Variants in PKN2 observed in about 807,000 individuals in gnomAD.
PKN2 encodes serine/threonine-protein kinase N2.
In PKN2, 38 loss-of-function variants were observed where a neutral mutation model predicts 119.1. The ratio of observed to expected loss-of-function variants is 0.32; its 90% CI spans 0.25 to 0.42. PKN2 has a LOEUF of 0.42. PKN2 is among the 10% of genes least tolerant of loss of function. The pLI, the probability that PKN2 is intolerant of heterozygous loss-of-function variation, is 1.00. For missense variants in PKN2, 850 were observed against 1,165.1 expected (o/e 0.73, Z 3.94); for synonymous variants, 390 against 384.9 (o/e 1.01, Z -0.15).
intron 1 of PKN2, among the ~76,000 whole-genome samples, chr1:88,705,001 G>C (rs1460928941): frequency 6.6e-6 from 1 of 151,790 alleles, no homozygotes; most frequent in Non-Finnish European, 1.5e-5. Context: ...CAAATCTTTT[G>C]TCTATTTTTA....
chr1:88,793,806 T>C (rs1438992108), intron 8 of PKN2, among the ~76,000 whole-genome samples: 1 of 152,198 alleles, frequency 6.6e-6, no homozygotes, highest in Non-Finnish European at 1.5e-5. Flanking sequence ...ATATAAATTA[T>C]TATACTGTAT....
chr1:88,728,236 T>A (rs1212984738), intron 1 of PKN2, among the ~76,000 whole-genome samples: 1 of 152,126 alleles, frequency 6.6e-6, no homozygotes, highest in Non-Finnish European at 1.5e-5. Context: ...ATAAGCCTAC[T>A]CAATCTTGTT....
At chr1:88,824,477 CTG>C in intron 18 of PKN2, 91 bp downstream of exon 18, 1 of 748,742 alleles carries the variant, frequency 1.3e-6, no homozygotes, top group South Asian at 1.6e-5. Flanking sequence ...GGAAAACAAA[CTG>C]TACTTTTAAC....
rs1471522885 is a variant in PKN2, at chr1:88,781,390, C to CAT, written c.986-3247_986-3246dup. Among the ~76,000 whole-genome samples, 15 of 147,426 alleles carry CAT rather than the reference C, an allele frequency of 1.0e-4. 1 individual carries two copies. The highest frequency in any genetic ancestry group is 3.8e-4 in the African/African-American group (14 of 37,136). ...GCAGAATTAAAAAAAGTTGCCTAAT[C>CAT]ATACCATGATGAAATACTGAATTAG... On this transcript the variant is annotated intron_variant, in intron 6 of 21. Coordinates refer to ENST00000370521, the MANE Select transcript of PKN2 (RefSeq NM_006256.4).
In PKN2 at chr1:88,824,248, T is replaced by C. The variant is rs541967028; in HGVS notation, c.2343-62T>C. ...TTCCAATTGCAATTATTTTTTTAAC[T>C]GTATAACCTACTGATTTCTTTGATT... On this transcript the variant is annotated intron_variant, in intron 17 of 21. Transcript: ENST00000370521. 122 of 813,632 alleles carry C rather than the reference T, an allele frequency of 1.5e-4. 3 individuals are homozygous for C. The South Asian group carries it at 1.7e-3, about 11-fold the overall frequency. 50.4% of individuals were successfully genotyped at this position (813,632 alleles called of 1,614,324 possible).
intron 2 of PKN2, among the ~76,000 whole-genome samples, chr1:88,758,179 A>G (rs552123094): frequency 7.9e-5 from 12 of 152,142 alleles, no homozygotes; most frequent in Admixed American, 3.3e-4. Context: ...AATTTTCAAA[A>G]TCTGCAGGCA....
intron 6 of PKN2, among the ~76,000 whole-genome samples, chr1:88,776,210 C>T (rs1183766142): frequency 1.5e-5 from 2 of 137,370 alleles, no homozygotes; most frequent in South Asian, 2.5e-4. Context: ...TCCCCCTCCC[C>T]CTACCCCCTC....
At chr1:88,717,201 G>T (rs1041033793) in intron 1 of PKN2, among the ~76,000 whole-genome samples, 16 of 152,262 alleles carry the variant, frequency 1.1e-4, no homozygotes, top group African/African-American at 3.9e-4. Flanking sequence ...TGGGTAACCT[G>T]ACCTTTCTCT....
At chr1:88,785,923 G>T (rs541492667) in intron 7 of PKN2, among the ~76,000 whole-genome samples, 181 bp from the exon 8 acceptor site, 1 of 152,282 alleles carries the variant, frequency 6.6e-6, no homozygotes, top group East Asian at 1.9e-4. Context: ...ATTTGGGAGT[G>T]TCTAGTAGGA....
intron 2 of PKN2, among the ~76,000 whole-genome samples, chr1:88,751,377 T>TACACACACAC (rs34210018): frequency 1.9e-4 from 28 of 146,672 alleles, no homozygotes; most frequent in African/African-American, 5.2e-4. Flanking sequence ...TATTTACACA[T>TACACACACAC]ACACACACAC....
chr1:88,704,122 T>C (rs1323247854), intron 1 of PKN2, among the ~76,000 whole-genome samples: 1 of 152,170 alleles, frequency 6.6e-6, no homozygotes, highest in African/African-American at 2.4e-5. Flanking sequence ...AAAAGTTTCT[T>C]TGTGTCTCTT....
intron 1 of PKN2, among the ~76,000 whole-genome samples, chr1:88,735,868 A>G (rs748533729): frequency 6.6e-6 from 1 of 151,958 alleles, no homozygotes; most frequent in African/African-American, 2.4e-5. Flanking sequence ...GATAATTTGT[A>G]TCTTTCTCTA....
At chr1:88,804,694 AATT>A (rs1671464236) in intron 9 of PKN2, 149 bp from the exon 10 acceptor site, 1 of 755,678 alleles carries the variant, frequency 1.3e-6, no homozygotes, top group African/African-American at 1.8e-5. Context: ...GAGACAAATC[AATT>A]ATTCTTCCTA....
intron 1 of PKN2, among the ~76,000 whole-genome samples, chr1:88,727,566 C>T (rs1667951392): frequency 6.6e-6 from 1 of 152,198 alleles, no homozygotes; most frequent in Non-Finnish European, 1.5e-5. Flanking sequence ...TATGTGAGGG[C>T]TTAAGTTTGC....
intron 6 of PKN2, among the ~76,000 whole-genome samples, chr1:88,772,476 G>C (rs1361333973): frequency 6.6e-6 from 1 of 152,140 alleles, no homozygotes; most frequent in Admixed American, 6.5e-5. Flanking sequence ...TGCTTAACCA[G>C]TAAGTATAAT....
At chr1:88,706,207 T>G (rs1260597154) in intron 1 of PKN2, among the ~76,000 whole-genome samples, 1 of 152,212 alleles carries the variant, frequency 6.6e-6, no homozygotes, top group Non-Finnish European at 1.5e-5. Context: ...GTCTTTTACA[T>G]CTTTTGTTAG....
intron 3 of PKN2, among the ~76,000 whole-genome samples, chr1:88,767,697 C>T (rs1385143301): frequency 6.6e-5 from 10 of 152,014 alleles, no homozygotes; most frequent in Admixed American, 5.9e-4. Flanking sequence ...TGGCCAGAAG[C>T]TATTTGCTAA....
Position 88,684,547 on chromosome 1 carries a change from C to T in PKN2, c.-34C>T. 6.5e-7 allele frequency: 1 copy of T among 1,532,918 alleles called. No individual in the cohort carries two copies. Among genetic ancestry groups the T allele is most frequent in the Admixed American group, 2.0e-5 (1 of 50,296 alleles). 95.0% of individuals were successfully genotyped at this position (1,532,918 alleles called of 1,614,324 possible). ...CGCCTTCTCCCTTCGCCAGAGGCGG[C>T]CGCGTCCAGGTGCGGAGTCCATACC... is the stretch of plus-strand genomic sequence containing the variant. On this transcript the variant is annotated 5_prime_UTR_variant, in exon 1 of 22. Coordinates refer to ENST00000370521, the MANE Select transcript of PKN2 (RefSeq NM_006256.4).
intron 1 of PKN2, among the ~76,000 whole-genome samples, chr1:88,731,229 G>C (rs948777336): frequency 1.3e-5 from 2 of 152,180 alleles, no homozygotes; most frequent in Non-Finnish European, 2.9e-5. Context: ...TAATACGCTT[G>C]AATTGGATAG....
Sources: allele counts gnomAD v4.1 joint callset (sites outside exome capture counted in the v4.1 genomes callset), GRCh38; gene constraint gnomAD v4.1.1; transcripts MANE v1.5; gene names NCBI Gene and HGNC (gene_info 2026-07-23, HGNC 2026-07-21).